ARHGEF28: variants seen among roughly 807,000 people sequenced by gnomAD.
ARHGEF28 encodes Rho guanine nucleotide exchange factor 28.
ARHGEF28 carries 152 observed loss-of-function variants against 206.6 expected under a neutral mutation model. That is an observed-to-expected ratio of 0.74 (90% CI 0.64 to 0.84). The LOEUF (loss-of-function observed/expected upper bound fraction) is 0.84, where lower values mean the gene tolerates loss of function less well. ARHGEF28 is among the 40% of genes least tolerant of loss of function. The pLI is 0.00. For missense variants in ARHGEF28, 2,028 were observed against 2,073.2 expected, an observed-to-expected ratio of 0.98 and a Z score of 0.42; for synonymous variants, 763 against 776.4, an observed-to-expected ratio of 0.98 and a Z score of 0.29.
rs753406993 is a variant in ARHGEF28, at chr5:73,904,241, C to T, written c.4094C>T (p.Pro1365Leu). ...TTTTAGGTGGAATGTAGAAATTTTC[C>T]AGGTTCTTCACAATCAGAGGTGAGC... ...AGEKVECRNF[P>L]GSSQSEIIQA... Residue 1365 changes from proline (P) to leucine (L), a missense_variant, in exon 32 of 36, where the codon CCA (proline) becomes CTA (leucine). Physicochemically the swap from Pro to Leu is moderately conservative, Grantham distance 98. Around this residue, in one of 3 missense-constraint regions of ARHGEF28, gnomAD observed 803 missense variants for 768.0 expected, o/e 1.05. Transcript: ENST00000513042. The T allele has an allele frequency of 3.7e-6, 6 of 1,613,740 alleles. No individual in the cohort carries two copies. In the South Asian group the frequency reaches 6.6e-5, roughly 18 times the overall value.
chr5:73,834,768 AT>A (rs1757519440), intron 10 of ARHGEF28, among the ~76,000 whole-genome samples: 1 of 152,136 alleles, frequency 6.6e-6, no homozygotes, highest in South Asian at 2.1e-4. Context: ...TGCTGTATAG[AT>A]TTGTAGCTTA....
At chr5:73,697,858 T>G (rs1748322566) in intron 2 of ARHGEF28, among the ~76,000 whole-genome samples, 2 of 152,188 alleles carry the variant, frequency 1.3e-5, no homozygotes, top group African/African-American at 2.4e-5. Flanking sequence ...ACACATCGTT[T>G]GGCAGTGGAG....
chr5:73,878,775 A>T (rs1308014920), intron 22 of ARHGEF28, among the ~76,000 whole-genome samples: 1 of 150,766 alleles, frequency 6.6e-6, no homozygotes, highest in Non-Finnish European at 1.5e-5. Flanking sequence ...TGGCTTGTAG[A>T]GTTTCTGCCG....
intron 14 of ARHGEF28, among the ~76,000 whole-genome samples, chr5:73,853,546 A>AT (rs199975368): frequency 1.4e-3 from 204 of 150,020 alleles, no homozygotes; most frequent in East Asian, 2.5e-3. Context: ...GATCATTTCT[A>AT]TTTTTTTTTT....
Position 73,749,875 on chromosome 5 carries a change from G to T in ARHGEF28, c.72G>T (p.Val24=), listed in dbSNP as rs779841031. The change falls in exon 3 of 36, where the codon GTG becomes GTT. Residue 24 remains valine, a synonymous_variant. Coordinates refer to ENST00000513042, the MANE Select transcript of ARHGEF28 (RefSeq NM_001177693.2). ...TCTATGCGAAGTTTGACAAAAATGT[G>T]TATCTTCCTGAAGATGCTGAGTTTT... ...MMIYAKFDKN[V]YLPEDAEFYF... is the part of the protein sequence containing the mutation. 1.2e-6 allele frequency: 2 copies of T among 1,614,032 alleles called. No individual in the cohort carries two copies. The highest frequency in any genetic ancestry group is 1.7e-6 in the Non-Finnish European group (2 of 1,179,896).
At position 73,873,198 on chromosome 5, in the gene ARHGEF28, C is replaced by T. The variant is rs779295914; in HGVS notation, c.2766C>T (p.Ser922=). ...GAAGGCAGGAATCCTGTGCTGGCAGCGACAGGAATTTTGTGATCGACCGAA... is the reference window on the plus strand; with the variant it reads ...GAAGGCAGGAATCCTGTGCTGGCAGTGACAGGAATTTTGTGATCGACCGAA... ...KERRQESCAG[S]DRNFVIDRIG... The change falls in exon 22 of 36, where the codon AGC becomes AGT. Residue 922 remains serine, a synonymous_variant. Transcript: ENST00000513042. 7.4e-6 allele frequency: 12 copies of T among 1,611,492 alleles called. No homozygotes were observed. The highest frequency in any genetic ancestry group is 4.0e-5 in the African/African-American group (3 of 74,840).
intron 2 of ARHGEF28, among the ~76,000 whole-genome samples, chr5:73,733,227 T>C (rs1750715909): frequency 6.6e-6 from 1 of 152,138 alleles, no homozygotes; most frequent in Non-Finnish European, 1.5e-5. Flanking sequence ...TAAATTGGAG[T>C]AGTTTAACAA....
chr5:73,694,053 G>T (rs1748023133), intron 2 of ARHGEF28, among the ~76,000 whole-genome samples: 2 of 152,244 alleles, frequency 1.3e-5, no homozygotes, highest in African/African-American at 4.8e-5. Context: ...CAGGAGCAGA[G>T]AGGAAAAGCT....
chr5:73,659,850 C>T (rs1745478467), intron 1 of ARHGEF28, among the ~76,000 whole-genome samples: 1 of 151,914 alleles, frequency 6.6e-6, no homozygotes, highest in Admixed American at 6.6e-5. Context: ...ATTAAAAATA[C>T]TTTATTGCCA....
chr5:73,715,785 A>G (rs887724227), intron 2 of ARHGEF28, among the ~76,000 whole-genome samples: 5 of 152,202 alleles, frequency 3.3e-5, no homozygotes, highest in African/African-American at 1.2e-4. Flanking sequence ...TTAACCATTC[A>G]TGGAACTCCT....
intron 21 of ARHGEF28, among the ~76,000 whole-genome samples, chr5:73,871,769 C>G: frequency 6.6e-6 from 1 of 152,196 alleles, no homozygotes; most frequent in East Asian, 1.9e-4. Context: ...CCCATTTACC[C>G]CTTCCGCCAG....
chr5:73,894,646 T>C, intron 29 of ARHGEF28, 71 bp downstream of exon 29: 2 of 1,516,672 alleles, frequency 1.3e-6, no homozygotes, highest in Non-Finnish European at 1.8e-6. Context: ...CTAAGTGCCA[T>C]GCACTGTGGT....
chr5:73,882,887 A>G (rs376637438), intron 23 of ARHGEF28, among the ~76,000 whole-genome samples: 5 of 152,190 alleles, frequency 3.3e-5, no homozygotes, highest in African/African-American at 1.2e-4. Context: ...CAGAAAAATC[A>G]AAGTGAAAAT....
chr5:73,831,882 G>T (rs1757325271), intron 9 of ARHGEF28, among the ~76,000 whole-genome samples: 1 of 152,124 alleles, frequency 6.6e-6, no homozygotes, highest in African/African-American at 2.4e-5. Flanking sequence ...GTAGAGATGG[G>T]GTTTCTCCAT....
chr5:73,745,321 G>C (rs1751665621), intron 2 of ARHGEF28, among the ~76,000 whole-genome samples: 1 of 151,946 alleles, frequency 6.6e-6, no homozygotes, highest in Non-Finnish European at 1.5e-5. Context: ...ATAGATTAAT[G>C]AAAAAATCTT....
At chr5:73,768,021 C>A (rs553338852) in intron 4 of ARHGEF28, among the ~76,000 whole-genome samples, 51 of 152,316 alleles carry the variant, frequency 3.3e-4, no homozygotes, top group African/African-American at 1.2e-3. Flanking sequence ...CTGCAAACCT[C>A]AAGCCTTGGC....
intron 35 of ARHGEF28, among the ~76,000 whole-genome samples, chr5:73,925,352 GTGTTTCCTCTA>G (rs1312042035): frequency 6.6e-6 from 1 of 152,146 alleles, no homozygotes; most frequent in Non-Finnish European, 1.5e-5. Flanking sequence ...TTTTGTACAT[GTGTTTCCTCTA>G]TCGAGAATAT....
intron 10 of ARHGEF28, among the ~76,000 whole-genome samples, chr5:73,835,851 G>A (rs1561442153): frequency 6.6e-6 from 1 of 152,132 alleles, no homozygotes. Context: ...CAGGTCGATA[G>A]TGCCAGAATT....
intron 1 of ARHGEF28, among the ~76,000 whole-genome samples, chr5:73,648,118 T>TATTCTTGGGGGGATGGATTTACTTTG (rs1744556092): frequency 1.3e-5 from 2 of 152,214 alleles, no homozygotes; most frequent in Non-Finnish European, 2.9e-5. Flanking sequence ...GTTCTAATAT[T>TATTCTTGGGGGGATGGATTTACTTTG]ATTCTTGGGG....
Sources: gnomAD v4.1 joint callset for allele counts (sites outside exome capture counted in the v4.1 genomes callset) on GRCh38, gnomAD v4.1.1 for gene constraint, gnomAD v4.1.1 regional missense constraint, MANE v1.5 for transcripts, NCBI Gene and HGNC (gene_info 2026-07-23, HGNC 2026-07-21) for gene names.